The following CADPS2 variants were observed in gnomAD, a reference collection of about 807,000 sequenced individuals.
The protein encoded by CADPS2 is calcium dependent secretion activator 2.
CADPS2 carries 93 observed loss-of-function variants against 172.5 expected under a neutral mutation model. The ratio of observed to expected loss-of-function variants is 0.54; its 90% CI spans 0.46 to 0.64. CADPS2 has a LOEUF of 0.64. CADPS2 is among the 30% of genes least tolerant of loss of function. The pLI, the probability that CADPS2 is intolerant of heterozygous loss-of-function variation, is 0.00. For synonymous variants in CADPS2, 546 were observed against 555.2 expected (o/e 0.98, Z 0.23); for missense variants, 1,420 against 1,565.9 (o/e 0.91, Z 1.57).
intron 1 of CADPS2, among the ~76,000 whole-genome samples, chr7:122,809,674 C>T (rs537088176): frequency 2.6e-5 from 4 of 151,980 alleles, no homozygotes; most frequent in African/African-American, 7.2e-5. Flanking sequence ...TATAATGGTC[C>T]AAGGAAAGAC....
At chr7:122,408,052 C>T (rs1054570040) in intron 19 of CADPS2, among the ~76,000 whole-genome samples, 3 of 151,894 alleles carry the variant, frequency 2.0e-5, no homozygotes, top group African/African-American at 7.3e-5. Flanking sequence ...GGTGTATTTA[C>T]TTCCAATATT....
intron 20 of CADPS2, among the ~76,000 whole-genome samples, chr7:122,396,546 G>A (rs990895649): frequency 1.3e-5 from 2 of 152,144 alleles, no homozygotes; most frequent in African/African-American, 4.8e-5. Flanking sequence ...AAAAGCCTGA[G>A]CATGGTATGA....
intron 1 of CADPS2, among the ~76,000 whole-genome samples, chr7:122,785,823 T>C (rs1793898741): frequency 6.6e-6 from 1 of 152,132 alleles, no homozygotes; most frequent in Non-Finnish European, 1.5e-5. Context: ...TCAGACCATT[T>C]AGAGGAAGCC....
chr7:122,592,902 G>A (rs578082420), intron 6 of CADPS2, among the ~76,000 whole-genome samples: 115 of 151,658 alleles, frequency 7.6e-4, no homozygotes, highest in Non-Finnish European at 1.3e-3. Context: ...ATGAGTTATC[G>A]GGTGCAGCAC....
intron 8 of CADPS2, among the ~76,000 whole-genome samples, chr7:122,521,472 C>CG (rs1218817597): frequency 0.036 from 453 of 12,446 alleles, 3 homozygotes; most frequent in African/African-American, 0.12. Context: ...GACTTTTTTG[C>CG]GGGGGGGTGA....
intron 1 of CADPS2, among the ~76,000 whole-genome samples, chr7:122,766,750 T>C (rs1179176441): frequency 6.6e-6 from 1 of 152,144 alleles, no homozygotes; most frequent in Non-Finnish European, 1.5e-5. Flanking sequence ...TGTGGAAGAA[T>C]GTGTGTCAGC....
chr7:122,656,927 T>A (rs1171990555), intron 3 of CADPS2, among the ~76,000 whole-genome samples: 4 of 152,126 alleles, frequency 2.6e-5, no homozygotes, highest in Non-Finnish European at 5.9e-5. Context: ...TCTTCTAGGG[T>A]TTTTATGGTT....
chr7:122,848,755 G>A (rs549126752), intron 1 of CADPS2, among the ~76,000 whole-genome samples: 10 of 152,198 alleles, frequency 6.6e-5, no homozygotes, highest in Admixed American at 2.6e-4. Context: ...ATGCCATGAC[G>A]TCTCTGACTT....
intron 25 of CADPS2, among the ~76,000 whole-genome samples, chr7:122,368,557 A>G (rs2041289547): frequency 6.6e-6 from 1 of 152,212 alleles, no homozygotes; most frequent in Admixed American, 6.5e-5. Flanking sequence ...CCACCCAGGT[A>G]GGGCCCCAGG....
chr7:122,439,206 T>A (rs2051041654), intron 16 of CADPS2, among the ~76,000 whole-genome samples: 1 of 152,190 alleles, frequency 6.6e-6, no homozygotes, highest in African/African-American at 2.4e-5. Context: ...ACATCCAGAA[T>A]TCAAAATGTA....
chr7:122,369,139 CCCCT>C (rs2041397330), intron 25 of CADPS2, among the ~76,000 whole-genome samples: 4 of 84,598 alleles, frequency 4.7e-5, no homozygotes, highest in Non-Finnish European at 8.8e-5. Flanking sequence ...CCCCCCCCCC[CCCCT>C]TTTTTTTTTT....
At chr7:122,689,894 C>T (rs543893508) in intron 2 of CADPS2, among the ~76,000 whole-genome samples, 65 of 152,274 alleles carry the variant, frequency 4.3e-4, no homozygotes, top group Non-Finnish European at 5.4e-4. Context: ...CCATCATGGA[C>T]GCTAGAGTCA....
intron 1 of CADPS2, among the ~76,000 whole-genome samples, chr7:122,796,027 TC>T (rs1421564506): frequency 1.3e-5 from 2 of 148,842 alleles, no homozygotes; most frequent in Admixed American, 1.3e-4. Flanking sequence ...GGATACAAAA[TC>T]AATGAGAAAA....
intron 1 of CADPS2, among the ~76,000 whole-genome samples, chr7:122,800,984 T>G: frequency 7.4e-6 from 1 of 135,424 alleles, no homozygotes; most frequent in Non-Finnish European, 1.5e-5. Context: ...AGAGCGAGAC[T>G]CTGCCTCAAA....
At chr7:122,645,391 G>GTATATATATACATATACACACATA (rs1435451978) in intron 3 of CADPS2, among the ~76,000 whole-genome samples, 1 of 63,560 alleles carries the variant, frequency 1.6e-5, no homozygotes, top group Admixed American at 1.6e-4. Flanking sequence ...GTACATGTGT[G>GTATATATATACATATACACACATA]TGTATATATG....
intron 28 of CADPS2, among the ~76,000 whole-genome samples, chr7:122,327,158 A>C (rs779450984): frequency 2.0e-5 from 3 of 152,108 alleles, no homozygotes; most frequent in South Asian, 2.1e-4. Context: ...CAGTAAATTC[A>C]ATACTTTAAC....
chr7:122,405,142 AAC>A (rs1394386977), intron 20 of CADPS2, among the ~76,000 whole-genome samples: 48 of 152,152 alleles, frequency 3.2e-4, no homozygotes, highest in African/African-American at 1.1e-3. Flanking sequence ...AAAAAAACAA[AAC>A]AAAACAAAAA....
At chr7:122,667,085 T>C (rs1177297974) in intron 2 of CADPS2, among the ~76,000 whole-genome samples, 1 of 152,144 alleles carries the variant, frequency 6.6e-6, no homozygotes, top group East Asian at 1.9e-4. Context: ...ATATTAAGCG[T>C]TCCCTGTTCA....
chr7:122,886,015 G>C lies in CADPS2; in HGVS notation c.323C>G (p.Ala108Gly). Residue 108 changes from alanine to glycine, a missense_variant, in exon 1 of 30, where the codon GCC becomes GGC. Ala to Gly is a moderately conservative substitution (Grantham distance 60, BLOSUM62 0). Transcript: ENST00000449022. ...GCAACTCACCTTCTGCTGCCTCCGGGCCATGTCGGTGGGCTGCTTGGCGTT... is the reference window on the plus strand; with the variant it reads ...GCAACTCACCTTCTGCTGCCTCCGGCCCATGTCGGTGGGCTGCTTGGCGTT... The part of the protein sequence containing the change: ...PFNAKQPTDM[A>G]RRQQKLNKQQ... The C allele has an allele frequency of 6.2e-7, 1 of 1,607,502 alleles. No homozygotes were observed. Among genetic ancestry groups the C allele is most frequent in the African/African-American group, 1.3e-5 (1 of 74,958 alleles).
Sources: gnomAD v4.1 joint callset for allele counts (sites outside exome capture counted in the v4.1 genomes callset) on GRCh38, gnomAD v4.1.1 for gene constraint, MANE v1.5 for transcripts, NCBI Gene and HGNC (gene_info 2026-07-23, HGNC 2026-07-21) for gene names.